SF3A2: variants seen among roughly 807,000 people sequenced by gnomAD.
The protein encoded by SF3A2 is SAP 62.
Under a neutral mutation model 31.1 loss-of-function variants are expected in SF3A2, and 5 were observed. The ratio of observed to expected loss-of-function variants is 0.16; its 90% CI spans 0.08 to 0.34. The LOEUF (loss-of-function observed/expected upper bound fraction) is 0.34, where lower values mean the gene tolerates loss of function less well. Among genes scored for constraint, SF3A2 ranks in the 10% least tolerant of loss-of-function variants. The pLI is 1.00. For missense variants in SF3A2, 577 were observed against 643.9 expected (o/e 0.90, Z 1.13); for synonymous variants, 365 against 263.7 (o/e 1.38, Z -3.72).
intron 1 of SF3A2, 172 bp downstream of exon 1, chr19:2,237,073 C>G (rs1373121281): frequency 3.3e-5 from 5 of 150,350 alleles, no homozygotes; most frequent in South Asian, 2.1e-4. Flanking sequence ...CCTGAGGCCC[C>G]GCGCTGGGCG....
intron 1 of SF3A2, among the ~76,000 whole-genome samples, chr19:2,243,086 G>A (rs1305532132): frequency 6.6e-6 from 1 of 152,110 alleles, no homozygotes; most frequent in Non-Finnish European, 1.5e-5. Flanking sequence ...TACAATTTCA[G>A]GTCTCCAGGC....
intron 7 of SF3A2, chr19:2,247,337 C>T (rs571701980): frequency 1.4e-5 from 8 of 574,106 alleles, no homozygotes; most frequent in Non-Finnish European, 2.2e-5. Flanking sequence ...GTCCCCATGC[C>T]TGGACAGGGC....
rs1201712591 is a variant in SF3A2, at chr19:2,246,597, T to A, written c.356-156T>A. ...ACCTGTGCCTTCACCTATACCAGAA[T>A]CCCAGAGCCTGGGCGGAGATTGTCT... On this transcript the variant is annotated intron_variant, in intron 5 of 8. Transcript: ENST00000221494. This position sits in a 1 kb window ranked among gnomAD's most constrained non-coding sequence, Gnocchi z 5.5. 6.6e-6 allele frequency among the ~76,000 whole-genome samples: 1 copy of A among 152,056 alleles called. No individual in the cohort carries two copies. Among genetic ancestry groups the A allele is most frequent in the African/African-American group, 2.4e-5 (1 of 41,398 alleles).
intron 1 of SF3A2, chr19:2,237,265 T>A (rs565365463): frequency 3.4e-5 from 5 of 148,828 alleles, no homozygotes; most frequent in South Asian, 2.1e-4. Flanking sequence ...CAAAAAATTT[T>A]AAAAAATTAG....
rs567913695 is a variant in SF3A2, at chr19:2,247,611, C to G, written c.564C>G (p.Ile188Met). ...CCTCCCAGGTGCCGAGCAGAGAGAT[C>G]GACAAGGCGGAGGGCAAGTTCTGGA... is the stretch of plus-strand genomic sequence containing the variant. Reference protein sequence around the residue: ...TIAFKVPSREIDKAEGKFWTH... With the variant: ...TIAFKVPSREMDKAEGKFWTH... Residue 188 changes from isoleucine to methionine, a missense_variant, in exon 8 of 9, where the codon ATC becomes ATG. Transcript: ENST00000221494. The G allele has an allele frequency of 6.2e-7, 1 of 1,613,374 alleles. No homozygotes were observed. Among genetic ancestry groups the G allele is most frequent in the Non-Finnish European group, 8.5e-7 (1 of 1,179,756 alleles).
chr19:2,239,592 T>C (rs1273478840), intron 1 of SF3A2, among the ~76,000 whole-genome samples: 2 of 152,194 alleles, frequency 1.3e-5, no homozygotes, highest in Non-Finnish European at 2.9e-5. Flanking sequence ...GTGCTTGGTA[T>C]CTGGACAGTT....
rs184933414 is a variant in SF3A2 at position 2,247,335 on chromosome 19, G to A, written c.547-259G>A. Reference sequence around the variant, plus strand: ...AGGGCTTCCTACAGCCTGTCCCCATGCCTGGACAGGGCGGCCATCAGGAAA... The same window carrying A: ...AGGGCTTCCTACAGCCTGTCCCCATACCTGGACAGGGCGGCCATCAGGAAA... On this transcript the variant is annotated intron_variant, in intron 7 of 8. Transcript: ENST00000221494. 4 of 573,908 alleles carry A rather than the reference G, an allele frequency of 7.0e-6. No homozygotes were observed. In the East Asian group the frequency reaches 1.2e-4, roughly 17 times the overall value. The allele number at this position is 573,908 out of a possible 1,614,324, so 35.6% of individuals were successfully genotyped here. A position where few individuals can be genotyped will look rare whatever the true frequency, so the allele number is the denominator to read the frequency against.
intron 1 of SF3A2, among the ~76,000 whole-genome samples, chr19:2,237,134 G>C (rs2024831380): frequency 6.6e-6 from 1 of 151,984 alleles, no homozygotes; most frequent in African/African-American, 2.4e-5. Context: ...CTCCTGTTGG[G>C]AGGCCGCGCG....
At chr19:2,243,109 G>A (rs1341373796) in intron 1 of SF3A2, among the ~76,000 whole-genome samples, 1 of 152,140 alleles carries the variant, frequency 6.6e-6, no homozygotes, top group East Asian at 1.9e-4. Context: ...TGGCACCCTG[G>A]GCTGGAGCGG....
intron 2 of SF3A2, among the ~76,000 whole-genome samples, chr19:2,243,995 TC>T (rs1390687285): frequency 6.6e-6 from 1 of 152,140 alleles, no homozygotes; most frequent in East Asian, 1.9e-4. Flanking sequence ...GTCCCCGTCT[TC>T]CAGATGAGGT....
rs968589805 is a variant in SF3A2, at chr19:2,246,660, C to T, written c.356-93C>T. On this transcript the variant is annotated intron_variant, in intron 5 of 8. Coordinates refer to ENST00000221494, the MANE Select transcript of SF3A2 (RefSeq NM_007165.5). This position sits in a 1 kb window ranked among gnomAD's most constrained non-coding sequence, Gnocchi z 5.5. ...AGCTGCAGGGCCTCCCCCGGGGTCC[C>T]GCTCTCGTTCAGTGGGTGGCATTAG... 28 of 1,465,688 alleles carry T rather than the reference C, an allele frequency of 1.9e-5. No individual in the cohort carries two copies. Among genetic ancestry groups the T allele is most frequent in the Admixed American group, 1.3e-4 (7 of 54,238 alleles). 90.8% of individuals were successfully genotyped at this position (1,465,688 alleles called of 1,614,324 possible).
At chr19:2,237,696 C>T (rs1046460271) in intron 1 of SF3A2, 4 of 152,184 alleles carry the variant, frequency 2.6e-5, no homozygotes, top group African/African-American at 4.8e-5. Flanking sequence ...TCATCTATAC[C>T]TGTTAGTTGA....
intron 1 of SF3A2, among the ~76,000 whole-genome samples, chr19:2,242,803 G>A (rs911546298): frequency 3.3e-5 from 5 of 152,158 alleles, no homozygotes; most frequent in African/African-American, 9.7e-5. Flanking sequence ...ACTCAGCAGA[G>A]CCCCCTGCGC....
chr19:2,247,080 G>C, intron 7 of SF3A2, 58 bp downstream of exon 7: 1 of 1,565,328 alleles, frequency 6.4e-7, no homozygotes. Context: ...AGAAGGATCT[G>C]CATAGGCTGG....
In SF3A2 at chr19:2,245,415, G is replaced by A. The variant is rs376429474; in HGVS notation, c.246-31G>A. The A allele has an allele frequency of 1.3e-3, 1,911 of 1,494,256 alleles. No homozygotes were observed. Among genetic ancestry groups the A allele is most frequent in the Non-Finnish European group, 1.6e-3 (1,789 of 1,097,378 alleles). 92.6% of individuals were successfully genotyped at this position (1,494,256 alleles called of 1,614,324 possible). A position where few individuals can be genotyped will look rare whatever the true frequency, so the allele number is the denominator to read the frequency against. Reference sequence around the variant, plus strand: ...TGGCTTTGGTGCCTGTGTGTGGAGGGGTCCCAGCAGCACCTCCATCCTGTC... The same window carrying A: ...TGGCTTTGGTGCCTGTGTGTGGAGGAGTCCCAGCAGCACCTCCATCCTGTC... On this transcript the variant is annotated intron_variant, in intron 4 of 8. Coordinates refer to ENST00000221494, the MANE Select transcript of SF3A2 (RefSeq NM_007165.5). The surrounding 1 kb of genome is among the most constrained non-coding windows in gnomAD (Gnocchi z 4.2).
intron 1 of SF3A2, among the ~76,000 whole-genome samples, chr19:2,240,951 G>A (rs541273488): frequency 2.6e-5 from 4 of 152,276 alleles, no homozygotes; most frequent in South Asian, 2.1e-4. Flanking sequence ...TGGGTCCTCC[G>A]CAGACACGTC....
Position 2,245,411 on chromosome 19 carries a change from G to C in SF3A2, c.246-35G>C. The stretch of plus-strand genomic sequence containing the variant: ...CCCATGGCTTTGGTGCCTGTGTGTG[G>C]AGGGGTCCCAGCAGCACCTCCATCC... On this transcript the variant is annotated intron_variant, in intron 4 of 8. Coordinates refer to ENST00000221494, the MANE Select transcript of SF3A2 (RefSeq NM_007165.5). This position sits in a 1 kb window ranked among gnomAD's most constrained non-coding sequence, Gnocchi z 4.2. 1.3e-6 allele frequency: 2 copies of C among 1,489,284 alleles called. No homozygotes were observed. Among genetic ancestry groups the C allele is most frequent in the Non-Finnish European group, 1.8e-6 (2 of 1,092,834 alleles). The allele number at this position is 1,489,284 out of a possible 1,614,324, so 92.3% of individuals were successfully genotyped here. A position where few individuals can be genotyped will look rare whatever the true frequency, so the allele number is the denominator to read the frequency against.
rs775324908 is a variant in SF3A2, at chr19:2,247,833, C to A, written c.682C>A (p.Pro228Thr). The A allele has an allele frequency of 8.8e-6, 14 of 1,598,816 alleles. No individual in the cohort carries two copies. The highest frequency in any genetic ancestry group is 1.6e-4 in the Middle Eastern group (1 of 6,062). ...TCCACCCAGCCTCCCTGCTGGCCCCCCTGGGGTGAAGCGGCCTCCACCCCC... is the reference window on the plus strand; with the variant it reads ...TCCACCCAGCCTCCCTGCTGGCCCCACTGGGGTGAAGCGGCCTCCACCCCC... Reference protein sequence around the residue: ...PAPPSLPAGPPGVKRPPPPLM... With the variant: ...PAPPSLPAGPTGVKRPPPPLM... The change falls in exon 9 of 9, where the codon CCT becomes ACT. Residue 228 changes from proline (P) to threonine (T), a missense_variant. Pro to Thr is a conservative substitution (Grantham distance 38). Transcript: ENST00000221494.
rs1025575055 is a variant in SF3A2 at position 2,245,239 on chromosome 19, A to G, written c.246-207A>G. 2 of 544,206 alleles carry G rather than the reference A, an allele frequency of 3.7e-6. No individual in the cohort carries two copies. Among genetic ancestry groups the G allele is most frequent in the African/African-American group, 3.8e-5 (2 of 52,072 alleles). The allele number at this position is 544,206 out of a possible 1,614,324, so 33.7% of individuals were successfully genotyped here. The stretch of plus-strand genomic sequence containing the variant: ...TGGAGTTGTTGGAAGGGCCCCAGCC[A>G]GGGACAGTGAGGAGCATGACAGGAA... On this transcript the variant is annotated intron_variant, in intron 4 of 8. Transcript: ENST00000221494. The surrounding 1 kb of genome is among the most constrained non-coding windows in gnomAD (Gnocchi z 4.2).
Sources: gnomAD v4.1 joint callset for allele counts (sites outside exome capture counted in the v4.1 genomes callset) on GRCh38, gnomAD v4.1.1 for gene constraint, Gnocchi (gnomAD v3.1) non-coding constraint, MANE v1.5 for transcripts, NCBI Gene and HGNC (gene_info 2026-07-23, HGNC 2026-07-21) for gene names.